SUZ12: variants seen among roughly 807,000 people sequenced by gnomAD.
The protein encoded by SUZ12 is SUZ12 polycomb repressive complex 2 subunit.
Under a neutral mutation model 87.3 loss-of-function variants are expected in SUZ12, and 17 were observed. That is an observed-to-expected ratio of 0.19 (90% CI 0.13 to 0.29). The LOEUF is 0.29. Ranked by LOEUF, SUZ12 falls within the 10% of genes least tolerant of loss-of-function variation. The probability of loss-of-function intolerance (pLI) is 1.00; values close to 1 mark genes in which losing one functional copy is unlikely to be tolerated. For missense variants in SUZ12, 526 were observed against 912.2 expected, an observed-to-expected ratio of 0.58 and a Z score of 5.45; for synonymous variants, 253 against 312.4, an observed-to-expected ratio of 0.81 and a Z score of 2.01.
chr17:31,965,337 C>G (rs1314741983), intron 4 of SUZ12, among the ~76,000 whole-genome samples: 1 of 152,106 alleles, frequency 6.6e-6, no homozygotes, highest in Non-Finnish European at 1.5e-5. Flanking sequence ...ATGAATGTCT[C>G]CTGATCAACA....
chr17:31,995,297 A>G (rs572505081), intron 13 of SUZ12, among the ~76,000 whole-genome samples: 74 of 152,268 alleles, frequency 4.9e-4, no homozygotes, highest in African/African-American at 1.6e-3. Context: ...TGCCCTAACT[A>G]GCACTTCATT....
At chr17:31,980,429 C>CATTTTTTTTTTTTTTTTTT (rs1909029642) in intron 8 of SUZ12, among the ~76,000 whole-genome samples, 1 of 53,814 alleles carries the variant, frequency 1.9e-5, no homozygotes, top group Non-Finnish European at 3.3e-5. Context: ...TCACCTTCTC[C>CATTTTTTTTTTTTTTTTTT]TTTTTTTTTT....
At chr17:31,957,939 G>A (rs1907461066) in intron 4 of SUZ12, among the ~76,000 whole-genome samples, 1 of 104,206 alleles carries the variant, frequency 9.6e-6, no homozygotes, top group South Asian at 3.2e-4. Context: ...GTCTTGCTCT[G>A]TCGCCCAGGC....
chr17:31,953,564 C>T (rs1384203033), intron 4 of SUZ12, among the ~76,000 whole-genome samples: 4 of 152,020 alleles, frequency 2.6e-5, no homozygotes, highest in South Asian at 2.1e-4. Context: ...TGTACTGTCA[C>T]ACCTCACTAA....
chr17:31,984,613 G>T (rs1909304188), intron 9 of SUZ12, among the ~76,000 whole-genome samples: 1 of 152,160 alleles, frequency 6.6e-6, no homozygotes, highest in Non-Finnish European at 1.5e-5. Flanking sequence ...ACATAATATT[G>T]TGAATTATAA....
chr17:31,956,146 C>T (rs1353439194), intron 4 of SUZ12, among the ~76,000 whole-genome samples: 3 of 151,116 alleles, frequency 2.0e-5, no homozygotes, highest in African/African-American at 7.3e-5. Flanking sequence ...ATCTCCTGAC[C>T]CCGTGATCTG....
At chr17:31,965,208 G>A (rs1908017569) in intron 4 of SUZ12, among the ~76,000 whole-genome samples, 2 of 151,694 alleles carry the variant, frequency 1.3e-5, no homozygotes, top group African/African-American at 4.8e-5. Context: ...TATTTCATTA[G>A]TAAATGCCTT....
At chr17:31,966,346 G>A in intron 5 of SUZ12, 150 bp downstream of exon 5, 1 of 708,894 alleles carries the variant, frequency 1.4e-6, no homozygotes, top group Non-Finnish European at 2.4e-6. Context: ...AAGGTATGAA[G>A]GCTAATGATG....
At chr17:31,985,431 CATATAT>C (rs755761505) in intron 9 of SUZ12, among the ~76,000 whole-genome samples, 1 of 148,770 alleles carries the variant, frequency 6.7e-6, no homozygotes, top group African/African-American at 2.5e-5. Flanking sequence ...TAACTGTATA[CATATAT>C]ATATATATAT....
intron 4 of SUZ12, among the ~76,000 whole-genome samples, chr17:31,954,594 A>G (rs1907194138): frequency 6.6e-6 from 1 of 152,118 alleles, no homozygotes; most frequent in Non-Finnish European, 1.5e-5. Context: ...TAGGGGAGAA[A>G]GACATAATCA....
At chr17:31,971,141 G>A (rs1321936832) in intron 5 of SUZ12, among the ~76,000 whole-genome samples, 1 of 152,084 alleles carries the variant, frequency 6.6e-6, no homozygotes, top group African/African-American at 2.4e-5. Flanking sequence ...CATTTAAACT[G>A]TAGAGAAATT....
At chr17:31,948,498 C>T (rs1906768127) in intron 4 of SUZ12, among the ~76,000 whole-genome samples, 1 of 152,114 alleles carries the variant, frequency 6.6e-6, no homozygotes, top group Non-Finnish European at 1.5e-5. Flanking sequence ...TTCTTTTCCT[C>T]CTAGTTTTAA....
At chr17:31,962,571 A>G (rs545197046) in intron 4 of SUZ12, among the ~76,000 whole-genome samples, 14 of 152,342 alleles carry the variant, frequency 9.2e-5, no homozygotes, top group Admixed American at 5.9e-4. Flanking sequence ...AGTCTGGGTG[A>G]CACAACGAGA....
chr17:31,949,676 C>CGTTTTTT lies in SUZ12; in HGVS notation c.455+1991_455+1992insGTTTTTT, dbSNP rs1906839689. On this transcript the variant is annotated intron_variant, in intron 4 of 15. Transcript: ENST00000322652. Reference sequence around the variant, plus strand: ...CCACACCCAGCCCCCCCCCCCCCCCCTTTTTTTTTTTTTTTTTTTTTTTTT... The same window carrying CGTTTTTT: ...CCACACCCAGCCCCCCCCCCCCCCCCGTTTTTTTTTTTTTTTTTTTTTTTTTTTTTTT... 1.4e-3 allele frequency among the ~76,000 whole-genome samples: 17 copies of CGTTTTTT among 12,392 alleles called. 1 individual carries two copies. The highest frequency in any genetic ancestry group is 4.5e-3 in the African/African-American group (13 of 2,888). 8.1% of individuals were successfully genotyped at this position (12,392 alleles called of 152,430 possible).
intron 3 of SUZ12, among the ~76,000 whole-genome samples, chr17:31,946,424 C>T (rs867165757): frequency 1.3e-5 from 2 of 151,980 alleles, no homozygotes; most frequent in South Asian, 2.1e-4. Context: ...CCCAGCTACT[C>T]GGGAGGCTGA....
chr17:31,955,279 A>T (rs1936424305), intron 4 of SUZ12, among the ~76,000 whole-genome samples: 1 of 152,016 alleles, frequency 6.6e-6, no homozygotes, highest in Admixed American at 6.6e-5. Flanking sequence ...ATTTTATTTT[A>T]TTAAAAAAAG....
intron 8 of SUZ12, among the ~76,000 whole-genome samples, chr17:31,978,758 T>C (rs1387654535): frequency 6.6e-6 from 1 of 152,188 alleles, no homozygotes; most frequent in African/African-American, 2.4e-5. Flanking sequence ...AATGCTTTTA[T>C]TTTAAAGAAA....
intron 12 of SUZ12, chr17:31,994,317 G>A (rs923137083): frequency 6.9e-5 from 31 of 447,620 alleles, no homozygotes; most frequent in Admixed American, 4.0e-4. Context: ...TGAATTAAAT[G>A]ATAATTTTCT....
intron 4 of SUZ12, among the ~76,000 whole-genome samples, chr17:31,955,520 G>C (rs1403227286): frequency 1.3e-5 from 2 of 152,000 alleles, no homozygotes; most frequent in Non-Finnish European, 2.9e-5. Context: ...AGGCCGAGGC[G>C]GGCGGATCAC....
Sources: allele counts gnomAD v4.1 joint callset (sites outside exome capture counted in the v4.1 genomes callset), GRCh38; gene constraint gnomAD v4.1.1; transcripts MANE v1.5; gene names NCBI Gene and HGNC (gene_info 2026-07-23, HGNC 2026-07-21).